The following DHX32 variants were observed in gnomAD, a reference collection of about 807,000 sequenced individuals.
DHX32 encodes putative pre-mRNA-splicing factor ATP-dependent RNA helicase DHX32.
DHX32 carries 51 observed loss-of-function variants against 70.0 expected under a neutral mutation model. That is an observed-to-expected ratio of 0.73 (90% CI 0.58 to 0.92). The LOEUF (loss-of-function observed/expected upper bound fraction) is 0.92, where lower values mean the gene tolerates loss of function less well. Ranked by LOEUF, DHX32 falls within the 40% of genes least tolerant of loss-of-function variation. The probability of loss-of-function intolerance (pLI) is 0.00; values close to 1 mark genes in which losing one functional copy is unlikely to be tolerated. For missense variants in DHX32, 762 were observed against 891.8 expected (o/e 0.85, Z 1.85); for synonymous variants, 310 against 315.3 (o/e 0.98, Z 0.18).
intron 1 of DHX32, among the ~76,000 whole-genome samples, chr10:125,875,432 A>G (rs1463071164): frequency 6.6e-6 from 1 of 152,196 alleles, no homozygotes; most frequent in Non-Finnish European, 1.5e-5. Context: ...TGTCAAAAGG[A>G]CAGAGAAGCC....
Position 125,854,082 on chromosome 10 carries a change from T to G in DHX32, c.971A>C (p.Glu324Ala), listed in dbSNP as rs1312419767. 1 of 1,613,998 alleles carries G rather than the reference T, an allele frequency of 6.2e-7. No individual in the cohort carries two copies. Among genetic ancestry groups the G allele is most frequent in the African/African-American group, 1.3e-5 (1 of 74,934 alleles). ...EKCSLFKPLD[E>A]TEKRCQVYQR... is the part of the protein sequence containing the mutation. ...ATAAACTTGGCATCTTTTTTCTGTT[T>G]CATCGAGTGGCTTGAACAATGAACA... The change falls in exon 4 of 11, where the codon GAA becomes GCA. Residue 324 changes from glutamate to alanine, a missense_variant. By Grantham distance (107) the Glu-to-Ala change is moderately radical (BLOSUM62 -1). Coordinates refer to ENST00000284690, the MANE Select transcript of DHX32 (RefSeq NM_018180.3).
intron 4 of DHX32, chr10:125,853,265 G>A (rs1449001999): frequency 6.8e-6 from 10 of 1,476,956 alleles, no homozygotes; most frequent in East Asian, 2.3e-5. Context: ...TATTTAGGAG[G>A]CTCATAGTCT....
intron 4 of DHX32, chr10:125,853,039 T>C: frequency 1.0e-6 from 1 of 976,278 alleles, no homozygotes; most frequent in Non-Finnish European, 1.5e-6. Context: ...CTTGGTGGTC[T>C]CACCTTTACA....
At chr10:125,870,670 C>G (rs1053677155) in intron 1 of DHX32, among the ~76,000 whole-genome samples, 1 of 152,022 alleles carries the variant, frequency 6.6e-6, no homozygotes, top group Non-Finnish European at 1.5e-5. Context: ...AACCCCATCT[C>G]TATTAAAAAT....
At chr10:125,881,705 C>T (rs1234633668), upstream of DHX32, among the ~76,000 whole-genome samples, 1 of 152,078 alleles carries the variant, frequency 6.6e-6, no homozygotes, top group Non-Finnish European at 1.5e-5. Flanking sequence ...GATGCAGTGG[C>T]GTGATCATGG....
At chr10:125,841,717 A>T in intron 7 of DHX32, 26 bp downstream of exon 7, 1 of 1,592,000 alleles carries the variant, frequency 6.3e-7, no homozygotes, top group Non-Finnish European at 8.5e-7. Context: ...TTGCAAAAAA[A>T]GAAAAGGAAT....
intron 8 of DHX32, among the ~76,000 whole-genome samples, chr10:125,839,680 T>C (rs1363964450): frequency 6.6e-6 from 1 of 152,226 alleles, no homozygotes; most frequent in Non-Finnish European, 1.5e-5. Context: ...CAGGTTGATT[T>C]GGGAATTAAT....
rs1388806850 is a variant in DHX32, at chr10:125,852,625, T to C, written c.1110A>G (p.Ile370Met). 1 of 1,611,128 alleles carries C rather than the reference T, an allele frequency of 6.2e-7. No homozygotes were observed. The highest frequency in any genetic ancestry group is 8.5e-7 in the Non-Finnish European group (1 of 1,179,280). The change falls in exon 5 of 11, where the codon ATA (isoleucine) becomes ATG (methionine). Residue 370 changes from isoleucine to methionine, a missense_variant. Coordinates refer to ENST00000284690, the MANE Select transcript of DHX32 (RefSeq NM_018180.3). ...VERRKVYNPR[I>M]RANSLVMQPI... is the part of the protein sequence containing the mutation. ...GCTGCATGACGAGCGAGTTTGCTCT[T>C]ATTCTCGGGTTGTACACCTTTAAAT... is the stretch of plus-strand genomic sequence containing the variant.
chr10:125,895,671 G>C (rs1944468641), intron 1 of DHX32, among the ~76,000 whole-genome samples: 1 of 152,308 alleles, frequency 6.6e-6, no homozygotes, highest in African/African-American at 2.4e-5. Context: ...TACAAAGTTT[G>C]GCCACAAAAC....
At chr10:125,880,338 TA>T (rs1344167489) in intron 1 of DHX32, among the ~76,000 whole-genome samples, 1 of 152,242 alleles carries the variant, frequency 6.6e-6, no homozygotes, top group Non-Finnish European at 1.5e-5. Flanking sequence ...TAAACACAAT[TA>T]ATTTCTACAT....
At position 125,841,861 on chromosome 10, in the gene DHX32, A is replaced by T; in HGVS notation, c.1425T>A (p.Ser475=). Residue 475 remains serine (S), a synonymous_variant, in exon 7 of 11, where the codon TCT becomes TCA. Transcript: ENST00000284690. The part of the protein sequence containing the change: ...LAALDNDGNL[S]EFGIIMSEFP... Reference sequence around the variant, plus strand: ...ACTCTGACATGATGATTCCAAATTCAGAAAGATTTCCATCATTATCCAGTG... The same window carrying T: ...ACTCTGACATGATGATTCCAAATTCTGAAAGATTTCCATCATTATCCAGTG... The T allele has an allele frequency of 6.2e-7, 1 of 1,613,864 alleles. No homozygotes were observed.
chr10:125,852,299 T>C lies in DHX32; in HGVS notation c.1345A>G (p.Arg449Gly). Reference sequence around the variant, plus strand: ...CATGGGAGCATAAGGCTACCTGGTCTGTTCATGAAGTCACAGTGGCCTAGG... The same window carrying C: ...CATGGGAGCATAAGGCTACCTGGTCCGTTCATGAAGTCACAGTGGCCTAGG... ...AGLGHCDFMN[R>G]PAPESLMQAL... The change falls in exon 6 of 11, where the codon AGA becomes GGA. Residue 449 changes from arginine to glycine, a missense_variant. Arg to Gly is a moderately radical substitution (Grantham distance 125, BLOSUM62 -2). Coordinates refer to ENST00000284690, the MANE Select transcript of DHX32 (RefSeq NM_018180.3). The C allele has an allele frequency of 3.7e-6, 6 of 1,613,976 alleles. No homozygotes were observed. Among genetic ancestry groups the C allele is most frequent in the Non-Finnish European group, 5.1e-6 (6 of 1,179,946 alleles).
intron 6 of DHX32, among the ~76,000 whole-genome samples, chr10:125,849,076 C>G (rs376329763): frequency 1.4e-4 from 22 of 152,210 alleles, no homozygotes; most frequent in African/African-American, 4.1e-4. Flanking sequence ...CCTTTCATCC[C>G]AGCTTAATCA....
Position 125,836,445 on chromosome 10 carries a change from G to C in DHX32, c.*242C>G, listed in dbSNP as rs1854687520. ...CAAAATACCAGTTTTTTAAAATTTT[G>C]GTCAAATTATGAGTGGTTGATTTAA... On this transcript the variant is annotated 3_prime_UTR_variant, in exon 11 of 11. Coordinates refer to ENST00000284690, the MANE Select transcript of DHX32 (RefSeq NM_018180.3). The C allele has an allele frequency of 7.0e-7, 1 of 1,422,652 alleles. No homozygotes were observed. The highest frequency in any genetic ancestry group is 9.1e-7 in the Non-Finnish European group (1 of 1,094,446). The allele number at this position is 1,422,652 out of a possible 1,614,324, so 88.1% of individuals were successfully genotyped here.
At chr10:125,885,269 T>C (rs1173989562), upstream of DHX32, among the ~76,000 whole-genome samples, 2 of 152,154 alleles carry the variant, frequency 1.3e-5, no homozygotes, top group African/African-American at 4.8e-5. Flanking sequence ...GTATGTAGAA[T>C]GGCCTCCAAA....
In DHX32 at chr10:125,866,729, G is replaced by A. The variant is rs146167128; in HGVS notation, c.476+261C>T. ...ATGAGGCATAGCTCCAGAAGCACAC[G>A]CTTGAAGGTTCTGAGGGGCCAAGCA... On this transcript the variant is annotated intron_variant, in intron 2 of 10. Transcript: ENST00000284690. This position sits in a 1 kb window ranked among gnomAD's most constrained non-coding sequence, Gnocchi z 4.8. 3.9e-4 allele frequency among the ~76,000 whole-genome samples: 60 copies of A among 152,340 alleles called. No homozygotes were observed. In the East Asian group the frequency reaches 8.1e-3, roughly 21 times the overall value.
chr10:125,841,928 T>C lies in DHX32; in HGVS notation c.1358A>G (p.Glu453Gly). The change falls in exon 7 of 11, where the codon GAA becomes GGA. Residue 453 changes from glutamate (E) to glycine (G), a missense_variant. Coordinates refer to ENST00000284690, the MANE Select transcript of DHX32 (RefSeq NM_018180.3). ...GTCTTCCAATGCCTGCATCAAACTT[T>C]CTGGTGCTAGGAAAGGAAAAAAATA... Reference protein sequence around the residue: ...HCDFMNRPAPESLMQALEDLD... With the variant: ...HCDFMNRPAPGSLMQALEDLD... The C allele has an allele frequency of 6.3e-7, 1 of 1,590,350 alleles. No homozygotes were observed. Among genetic ancestry groups the C allele is most frequent in the Non-Finnish European group, 8.5e-7 (1 of 1,172,746 alleles).
At chr10:125,840,557 C>T (rs1347909025) in intron 8 of DHX32, among the ~76,000 whole-genome samples, 2 of 152,216 alleles carry the variant, frequency 1.3e-5, no homozygotes, top group Non-Finnish European at 2.9e-5. Context: ...GTCTGTGTCC[C>T]CCGTCACCAT....
In DHX32 at chr10:125,854,007, C is replaced by T. The variant is rs769442634; in HGVS notation, c.1046G>A (p.Ser349Asn). Residue 349 changes from serine (S) to asparagine (N), a missense_variant, in exon 4 of 11, where the codon AGC becomes AAC. By Grantham distance (46) the Ser-to-Asn change is conservative (BLOSUM62 1). Coordinates refer to ENST00000284690, the MANE Select transcript of DHX32 (RefSeq NM_018180.3). ...TTSSGEFLIW[S>N]NSVRFVIDVG... Reference sequence around the variant, plus strand: ...ATCGATAACAAATCTGACTGAGTTGCTCCAGATCAAAAACTCTCCAGAGCT... The same window carrying T: ...ATCGATAACAAATCTGACTGAGTTGTTCCAGATCAAAAACTCTCCAGAGCT... 1.2e-6 allele frequency: 2 copies of T among 1,613,932 alleles called. No individual in the cohort carries two copies. The highest frequency in any genetic ancestry group is 1.7e-6 in the Non-Finnish European group (2 of 1,179,982).
Sources: gnomAD v4.1 joint callset for allele counts (sites outside exome capture counted in the v4.1 genomes callset) on GRCh38, gnomAD v4.1.1 for gene constraint, Gnocchi (gnomAD v3.1) non-coding constraint, MANE v1.5 for transcripts, NCBI Gene and HGNC (gene_info 2026-07-23, HGNC 2026-07-21) for gene names.